The following COL28A1 variants were observed in gnomAD, a reference collection of about 807,000 sequenced individuals.
COL28A1 encodes the protein collagen type XXVIII alpha 1 chain, also known as collagen alpha-1(XXVIII) chain.
In COL28A1, 161 loss-of-function variants were observed where a neutral mutation model predicts 150.2. The ratio of observed to expected loss-of-function variants is 1.07; its 90% confidence interval spans 0.94 to 1.22. The LOEUF is 1.22. Ranked by LOEUF, COL28A1 falls within the 50% of genes most tolerant of loss-of-function variation. The probability of loss-of-function intolerance (pLI) is 0.00; values close to 1 mark genes in which losing one functional copy is unlikely to be tolerated. For missense variants in COL28A1, 1,617 were observed against 1,388.3 expected (o/e 1.16, Z -2.62); for synonymous variants, 552 against 469.7 (o/e 1.18, Z -2.26).
chr7:7,426,522 T>C (rs1047352324), intron 25 of COL28A1, among the ~76,000 whole-genome samples: 2 of 151,502 alleles, frequency 1.3e-5, no homozygotes, highest in Non-Finnish European at 2.9e-5. Context: ...TTAATATGAA[T>C]AGGAAGATAG....
At position 7,415,282 on chromosome 7, in the gene COL28A1, GA is replaced by G. The variant is rs147008211; in HGVS notation, c.2136+2576del. The stretch of plus-strand genomic sequence containing the variant: ...TCAAATGCTCTTTGGAAAGGGGTAG[GA>G]AATAAGTCAACAAATGAATGTAAGA... On this transcript the variant is annotated intron_variant, in intron 27 of 34. Coordinates refer to ENST00000399429, the MANE Select transcript of COL28A1 (RefSeq NM_001037763.3). 2.6e-3 allele frequency among the ~76,000 whole-genome samples: 395 copies of G among 152,308 alleles called. 1 individual carries two copies. The highest frequency in any genetic ancestry group is 9.0e-3 in the African/African-American group (374 of 41,572).
intron 25 of COL28A1, among the ~76,000 whole-genome samples, chr7:7,422,559 G>A (rs951583461): frequency 6.6e-6 from 1 of 151,998 alleles, no homozygotes; most frequent in Non-Finnish European, 1.5e-5. Flanking sequence ...AACCCGGGAG[G>A]CAGAGGTTGC....
chr7:7,365,687 G>C (rs953968996), intron 33 of COL28A1, among the ~76,000 whole-genome samples: 1 of 152,160 alleles, frequency 6.6e-6, no homozygotes, highest in Non-Finnish European at 1.5e-5. Context: ...GTCTGCTCTG[G>C]ATGAATGCTA....
intron 21 of COL28A1, among the ~76,000 whole-genome samples, chr7:7,439,163 C>A (rs995888955): frequency 2.6e-5 from 4 of 152,204 alleles, no homozygotes; most frequent in African/African-American, 9.7e-5. Flanking sequence ...CAGTCAGATT[C>A]ACCAGTGATG....
intron 11 of COL28A1, among the ~76,000 whole-genome samples, chr7:7,491,366 G>C (rs1010509186): frequency 6.6e-6 from 1 of 152,192 alleles, no homozygotes; most frequent in African/African-American, 2.4e-5. Context: ...ACATAGAGAT[G>C]TGATAACTGT....
intron 13 of COL28A1, among the ~76,000 whole-genome samples, chr7:7,482,857 ATAAGT>A (rs1277581558): frequency 1.3e-5 from 2 of 152,244 alleles, no homozygotes; most frequent in African/African-American, 4.8e-5. Flanking sequence ...ACTCTAGCAT[ATAAGT>A]TAAGCATCTT....
At chr7:7,417,541 GGGGGGGGGA>G (rs1784163850) in intron 27 of COL28A1, 2 of 77,422 alleles carry the variant, frequency 2.6e-5, no homozygotes, top group Admixed American at 2.3e-4. Context: ...AGGGAGGGAG[GGGGGGGGGA>G]GAGAGAGAGA....
Position 7,452,443 on chromosome 7 carries a change from T to C in COL28A1, c.1441-56A>G. The C allele has an allele frequency of 3.2e-6, 5 of 1,555,402 alleles. No individual in the cohort carries two copies. In the South Asian group the frequency reaches 6.2e-5, roughly 19 times the overall value. ...AAGTGAAAATAATATATTCCTGCTGTTGATCTCCTAAAACCTGTCTTATAT... is the reference window on the plus strand; with the variant it reads ...AAGTGAAAATAATATATTCCTGCTGCTGATCTCCTAAAACCTGTCTTATAT... On this transcript the variant is annotated intron_variant, in intron 17 of 34. Coordinates refer to ENST00000399429, the MANE Select transcript of COL28A1 (RefSeq NM_001037763.3).
chr7:7,341,674 T>A, the COL28A1 span, among the ~76,000 whole-genome samples: 2 of 152,138 alleles, frequency 1.3e-5, no homozygotes, highest in Non-Finnish European at 2.9e-5. Flanking sequence ...GTATGTAGTA[T>A]TGATTTTCTA....
chr7:7,400,577 T>A (rs1177835770), intron 27 of COL28A1, among the ~76,000 whole-genome samples: 1 of 152,144 alleles, frequency 6.6e-6, no homozygotes, highest in Admixed American at 6.5e-5. Context: ...CCCTTTCTTA[T>A]TTGAAAAATC....
intron 29 of COL28A1, 25 bp from the exon 30 acceptor site, chr7:7,380,720 G>C (rs375909141): frequency 1.2e-6 from 2 of 1,613,344 alleles, no homozygotes; most frequent in African/African-American, 2.7e-5. Context: ...AAGAGTAAAA[G>C]TCAATATAGG....
chr7:7,529,592 G>A (rs907302499), intron 3 of COL28A1, among the ~76,000 whole-genome samples: 1 of 152,164 alleles, frequency 6.6e-6, no homozygotes, highest in Non-Finnish European at 1.5e-5. Flanking sequence ...CTACTGCCAA[G>A]AGCCTGTGTT....
intron 15 of COL28A1, among the ~76,000 whole-genome samples, chr7:7,473,880 A>G (rs192978491): frequency 8.4e-4 from 127 of 151,112 alleles, no homozygotes; most frequent in African/African-American, 2.9e-3. Context: ...GTTTATATAT[A>G]GTGTGTGTTT....
At chr7:7,415,609 C>G (rs1562585953) in intron 27 of COL28A1, among the ~76,000 whole-genome samples, 1 of 152,236 alleles carries the variant, frequency 6.6e-6, no homozygotes. Flanking sequence ...TCTTGGCTCA[C>G]TGCAACCTCC....
chr7:7,542,677 G>C, the COL28A1 span, among the ~76,000 whole-genome samples: 1 of 152,160 alleles, frequency 6.6e-6, no homozygotes, highest in Non-Finnish European at 1.5e-5. Flanking sequence ...TATCTTGAAA[G>C]CAACGGGAGC....
Position 7,373,546 on chromosome 7 carries a change from C to T in COL28A1, c.2360G>A (p.Gly787Asp), listed in dbSNP as rs199514721. The T allele has an allele frequency of 5.1e-5, 82 of 1,604,544 alleles. No individual in the cohort carries two copies. Among genetic ancestry groups the T allele is most frequent in the Admixed American group, 1.8e-4 (11 of 59,618 alleles). Residue 787 changes from glycine to aspartate, a missense_variant and splice_region_variant, in exon 32 of 35, where the codon GGT (glycine) becomes GAT (aspartate). Physicochemically the swap from Gly to Asp is moderately conservative, Grantham distance 94. Transcript: ENST00000399429. The surrounding 1 kb of genome is among the most constrained non-coding windows in gnomAD (Gnocchi z 4.1). Reference protein sequence around the residue: ...EIIKLITEICGCGPKCKETPL... With the variant: ...EIIKLITEICDCGPKCKETPL... ...AGTCTCTTTGCATTTGGGCCCACAA[C>T]CTAAAAGATGAATGTTGAGAGAGAA... is the stretch of plus-strand genomic sequence containing the variant.
intron 27 of COL28A1, among the ~76,000 whole-genome samples, chr7:7,393,572 G>A (rs138246058): frequency 1.3e-5 from 2 of 152,020 alleles, no homozygotes; most frequent in South Asian, 4.2e-4. Context: ...CTTCCCCCAG[G>A]TGCTCTGTCC....
At chr7:7,512,460 C>T (rs1229082653) in intron 8 of COL28A1, among the ~76,000 whole-genome samples, 3 of 151,936 alleles carry the variant, frequency 2.0e-5, no homozygotes, top group African/African-American at 7.3e-5. Flanking sequence ...ATATTTTATA[C>T]AATACAATAA....
intron 27 of COL28A1, among the ~76,000 whole-genome samples, chr7:7,400,832 C>G (rs1249561874): frequency 6.6e-6 from 1 of 152,060 alleles, no homozygotes; most frequent in Non-Finnish European, 1.5e-5. Flanking sequence ...ATTTTAAAAT[C>G]ATTTCAAACT....
Sources: gnomAD v4.1 joint callset for allele counts (sites outside exome capture counted in the v4.1 genomes callset) on GRCh38, gnomAD v4.1.1 for gene constraint, Gnocchi (gnomAD v3.1) non-coding constraint, MANE v1.5 for transcripts, NCBI Gene and HGNC (gene_info 2026-07-23, HGNC 2026-07-21) for gene names.